The following DNAH6 variants were observed in gnomAD, a reference collection of about 807,000 sequenced individuals.
DNAH6 encodes the protein axonemal beta dynein heavy chain 6.
Under a neutral mutation model 491.4 loss-of-function variants are expected in DNAH6, and 340 were observed. The ratio of observed to expected loss-of-function variants is 0.69; its 90% CI spans 0.63 to 0.76. The LOEUF (loss-of-function observed/expected upper bound fraction) is 0.76. Among genes scored for constraint, DNAH6 ranks in the 30% least tolerant of loss-of-function variants. DNAH6 has a pLI of 0.00. For synonymous variants in DNAH6, 1,603 were observed against 1,686.1 expected (o/e 0.95, Z 1.21); for missense variants, 4,443 against 4,972.2 (o/e 0.89, Z 3.20).
intron 4 of DNAH6, among the ~76,000 whole-genome samples, chr2:84,532,951 A>C (rs1181631307): frequency 1.3e-5 from 2 of 152,186 alleles, no homozygotes; most frequent in African/African-American, 4.8e-5. Context: ...TTTAATCACA[A>C]ATGTGCAATG....
chr2:84,620,112 CAT>C (rs1039814170), intron 24 of DNAH6, among the ~76,000 whole-genome samples: 12 of 152,104 alleles, frequency 7.9e-5, no homozygotes, highest in African/African-American at 2.7e-4. Flanking sequence ...ACAACAAAAA[CAT>C]GTGTTCTGTT....
chr2:84,783,284 A>G (rs914536725), intron 65 of DNAH6, among the ~76,000 whole-genome samples: 6 of 152,214 alleles, frequency 3.9e-5, no homozygotes, highest in Non-Finnish European at 5.9e-5. Context: ...CATCATCATG[A>G]AAAGTCCTGT....
intron 20 of DNAH6, among the ~76,000 whole-genome samples, chr2:84,605,941 C>T (rs1322274395): frequency 6.6e-6 from 1 of 151,382 alleles, no homozygotes; most frequent in Non-Finnish European, 1.5e-5. Flanking sequence ...ATTTGAAAGA[C>T]TTAGAAAAAA....
At chr2:84,628,012 T>C (rs2104436060) in intron 29 of DNAH6, among the ~76,000 whole-genome samples, 1 of 152,302 alleles carries the variant, frequency 6.6e-6, no homozygotes, top group Admixed American at 6.5e-5. Context: ...TCCTTGGCAT[T>C]GAGAACTTTA....
chr2:84,674,109 AC>A (rs1693002897), intron 40 of DNAH6, among the ~76,000 whole-genome samples: 1 of 152,212 alleles, frequency 6.6e-6, no homozygotes. Flanking sequence ...CACAATAAAA[AC>A]AAATAATTGT....
At chr2:84,579,894 A>G (rs1682839295) in intron 14 of DNAH6, among the ~76,000 whole-genome samples, 2 of 152,224 alleles carry the variant, frequency 1.3e-5, no homozygotes, top group Admixed American at 1.3e-4. Flanking sequence ...CACTTTCTAC[A>G]TGCATTACAT....
chr2:84,515,660 C>G (rs1322412788), upstream of DNAH6, among the ~76,000 whole-genome samples: 1 of 152,080 alleles, frequency 6.6e-6, no homozygotes, highest in Non-Finnish European at 1.5e-5. Context: ...GGTTGAAAAC[C>G]AGAGCTCCTC....
chr2:84,664,330 C>T (rs1022398001), intron 37 of DNAH6, among the ~76,000 whole-genome samples: 16 of 152,226 alleles, frequency 1.1e-4, no homozygotes, highest in African/African-American at 2.2e-4. Flanking sequence ...CAAGACCCAT[C>T]GGTGTGCTGT....
At chr2:84,579,858 C>G (rs544650922) in intron 14 of DNAH6, among the ~76,000 whole-genome samples, 179 bp downstream of exon 14, 1 of 152,308 alleles carries the variant, frequency 6.6e-6, no homozygotes, top group Non-Finnish European at 1.5e-5. Flanking sequence ...TTATCAGACT[C>G]TTAGTACTAG....
intron 4 of DNAH6, among the ~76,000 whole-genome samples, chr2:84,540,553 GA>G (rs1242591520): frequency 6.6e-6 from 1 of 152,030 alleles, no homozygotes; most frequent in African/African-American, 2.4e-5. Flanking sequence ...TTCAGGAGGA[GA>G]AAAAATTTTT....
At chr2:84,816,490 G>T (rs543122239) in intron 76 of DNAH6, among the ~76,000 whole-genome samples, 1 of 152,288 alleles carries the variant, frequency 6.6e-6, no homozygotes, top group East Asian at 1.9e-4. Context: ...TTGGGAGACC[G>T]AAGCAGATGA....
chr2:84,561,995 T>C (rs1367171831), intron 11 of DNAH6, among the ~76,000 whole-genome samples: 1 of 152,092 alleles, frequency 6.6e-6, no homozygotes, highest in Non-Finnish European at 1.5e-5. Context: ...TGTAGATCTA[T>C]ATAAGCCTAA....
intron 55 of DNAH6, 38 bp downstream of exon 55, chr2:84,709,584 T>G: frequency 1.3e-6 from 2 of 1,544,380 alleles, no homozygotes; most frequent in Non-Finnish European, 1.8e-6. Context: ...CTTTTGGTTC[T>G]GCTTAATGTT....
intron 49 of DNAH6, among the ~76,000 whole-genome samples, 188 bp from the exon 50 acceptor site, chr2:84,703,207 T>C (rs1431382801): frequency 1.3e-5 from 2 of 152,264 alleles, no homozygotes; most frequent in Non-Finnish European, 2.9e-5. Context: ...ATGAATGTCA[T>C]GGCCATTTCT....
rs60315854 is a variant in DNAH6, at chr2:84,548,549, A to T, written c.1316+132A>T. ...ATCATATCACTATGTATATCAAAGC[A>T]TCATGTTGTATACCTTAAGTACACA... is the stretch of plus-strand genomic sequence containing the variant. On this transcript the variant is annotated intron_variant, in intron 8 of 76. Transcript: ENST00000389394. 0.32 allele frequency: 304,554 copies of T among 966,628 alleles called. 53,466 individuals are homozygous for T. The highest frequency in any genetic ancestry group is 0.7 in the East Asian group (28,113 of 40,166). The allele number at this position is 966,628 out of a possible 1,614,324, so 59.9% of individuals were successfully genotyped here.
intron 26 of DNAH6, among the ~76,000 whole-genome samples, chr2:84,622,582 G>A (rs756795565): frequency 3.9e-5 from 6 of 152,054 alleles, no homozygotes; most frequent in Non-Finnish European, 8.8e-5. Flanking sequence ...ATCCATTGAT[G>A]GACACTTGTG....
chr2:84,500,998 C>T, the DNAH6 span, among the ~76,000 whole-genome samples: 5 of 151,980 alleles, frequency 3.3e-5, no homozygotes, highest in Non-Finnish European at 7.4e-5. Context: ...TATTCCTTTC[C>T]AATTTGGATG....
intron 37 of DNAH6, among the ~76,000 whole-genome samples, chr2:84,664,581 C>T (rs1322018662): frequency 6.6e-6 from 1 of 152,158 alleles, no homozygotes; most frequent in Non-Finnish European, 1.5e-5. Flanking sequence ...AATACAGGAG[C>T]ACCCAGATTC....
At position 84,534,152 on chromosome 2, in the gene DNAH6, C is replaced by G. The variant is rs1301130844; in HGVS notation, c.662+4986C>G. On this transcript the variant is annotated intron_variant, in intron 4 of 76. Transcript: ENST00000389394. ...AGTATCAAATGCCCAGTCAGTGGTT[C>G]CAGATGCTAAATGTTTAACACAGCT... 4.6e-5 allele frequency among the ~76,000 whole-genome samples: 7 copies of G among 151,992 alleles called. No individual in the cohort carries two copies. The East Asian group carries it at 1.3e-3, about 29-fold the overall frequency.
Sources: allele counts gnomAD v4.1 joint callset (sites outside exome capture counted in the v4.1 genomes callset), GRCh38; gene constraint gnomAD v4.1.1; transcripts MANE v1.5; gene names NCBI Gene and HGNC (gene_info 2026-07-23, HGNC 2026-07-21).